FLI1: variants seen among roughly 807,000 people sequenced by gnomAD.
The protein encoded by FLI1 is Fli-1 proto-oncogene, ETS transcription factor, also known as Friend leukemia integration 1 transcription factor.
In FLI1, 13 loss-of-function variants were observed where a neutral mutation model predicts 53.1. That is an observed-to-expected ratio of 0.24 (90% confidence interval 0.16 to 0.39). The LOEUF is 0.39. Ranked by LOEUF, FLI1 falls within the 10% of genes least tolerant of loss-of-function variation. The pLI is 1.00. For synonymous variants in FLI1, 244 were observed against 236.7 expected, an observed-to-expected ratio of 1.03 and a Z score of -0.28; for missense variants, 424 against 600.5, an observed-to-expected ratio of 0.71 and a Z score of 3.07.
intron 4 of FLI1, among the ~76,000 whole-genome samples, chr11:128,775,263 A>G (rs1459173353): frequency 6.6e-6 from 1 of 152,126 alleles, no homozygotes; most frequent in African/African-American, 2.4e-5. Context: ...TTAGGATACA[A>G]TGTTGGGTGG....
intron 1 of FLI1, among the ~76,000 whole-genome samples, chr11:128,757,275 C>T (rs1389657904): frequency 6.6e-6 from 1 of 151,982 alleles, no homozygotes; most frequent in African/African-American, 2.4e-5. Context: ...CCATGATCTC[C>T]CAAAGTCACA....
intron 1 of FLI1, among the ~76,000 whole-genome samples, chr11:128,698,299 A>G (rs959706963): frequency 1.3e-5 from 2 of 152,208 alleles, no homozygotes; most frequent in African/African-American, 4.8e-5. Flanking sequence ...TGGATTCACA[A>G]GAACTCCAGA....
At chr11:128,732,749 A>G (rs1939752862) in intron 1 of FLI1, among the ~76,000 whole-genome samples, 1 of 152,234 alleles carries the variant, frequency 6.6e-6, no homozygotes, top group South Asian at 2.1e-4. Flanking sequence ...AAAGCAAGTT[A>G]TGATTCTAAA....
At chr11:128,751,766 G>T (rs1228939137) in intron 1 of FLI1, among the ~76,000 whole-genome samples, 1 of 150,042 alleles carries the variant, frequency 6.7e-6, no homozygotes, top group Non-Finnish European at 1.5e-5. Flanking sequence ...TTGACCTCGT[G>T]ATCCACCCAC....
chr11:128,718,435 C>T (rs1267044659), intron 1 of FLI1, among the ~76,000 whole-genome samples: 2 of 142,872 alleles, frequency 1.4e-5, no homozygotes, highest in African/African-American at 5.4e-5. Context: ...GTCTCCCCAA[C>T]ATTCAGAGGC....
At chr11:128,753,012 C>T (rs369352219) in intron 1 of FLI1, among the ~76,000 whole-genome samples, 1 of 152,286 alleles carries the variant, frequency 6.6e-6, no homozygotes, top group Admixed American at 6.5e-5. Flanking sequence ...TCAGATGCCA[C>T]CCCAAGCAGC....
chr11:128,701,250 A>G (rs1938319990), intron 1 of FLI1, among the ~76,000 whole-genome samples: 1 of 152,162 alleles, frequency 6.6e-6, no homozygotes, highest in Non-Finnish European at 1.5e-5. Flanking sequence ...AATCTTTTCA[A>G]TTGGGCCTTC....
intron 1 of FLI1, among the ~76,000 whole-genome samples, chr11:128,715,792 G>A (rs932994946): frequency 1.3e-5 from 2 of 152,288 alleles, no homozygotes; most frequent in South Asian, 2.1e-4. Flanking sequence ...GATACCCCAC[G>A]AGTCCTGAGC....
chr11:128,802,446 A>G (rs528467899), intron 5 of FLI1, among the ~76,000 whole-genome samples: 1 of 152,254 alleles, frequency 6.6e-6, no homozygotes, highest in East Asian at 1.9e-4. Context: ...GGTCTTTGCT[A>G]CTCTGACTCC....
chr11:128,785,639 C>T (rs1234011775), intron 5 of FLI1, among the ~76,000 whole-genome samples: 10 of 152,216 alleles, frequency 6.6e-5, no homozygotes. Flanking sequence ...ATCTCCATCC[C>T]TAAACTTTTC....
chr11:128,792,712 T>C (rs1942310299), intron 5 of FLI1, among the ~76,000 whole-genome samples: 1 of 152,210 alleles, frequency 6.6e-6, no homozygotes, highest in Non-Finnish European at 1.5e-5. Flanking sequence ...ATTATACACA[T>C]ATCCTTTTGT....
rs1045202158 is a variant in FLI1, at chr11:128,812,869, G to A, written c.*1881G>A. Reference sequence around the variant, plus strand: ...TTTTAAGGTCATTTTTCTTCCCAAGGAAGAAACTTGCCTCCAGTTCCTTCA... The same window carrying A: ...TTTTAAGGTCATTTTTCTTCCCAAGAAAGAAACTTGCCTCCAGTTCCTTCA... On this transcript the variant is annotated 3_prime_UTR_variant, in exon 9 of 9. Coordinates refer to ENST00000527786, the MANE Select transcript of FLI1 (RefSeq NM_002017.5). 8.7e-6 allele frequency: 1 copy of A among 114,480 alleles called. No individual in the cohort carries two copies. The highest frequency in any genetic ancestry group is 3.0e-5 in the African/African-American group (1 of 33,526). The allele number at this position is 114,480 out of a possible 1,614,324, so 7.1% of individuals were successfully genotyped here.
In FLI1 at chr11:128,694,284, G is replaced by A. The variant is rs573220409; in HGVS notation, c.18+8G>A. The A allele has an allele frequency of 1.5e-6, 2 of 1,376,062 alleles. No individual in the cohort carries two copies. Among genetic ancestry groups the A allele is most frequent in the Admixed American group, 3.0e-5 (1 of 33,770 alleles). The allele number at this position is 1,376,062 out of a possible 1,614,324, so 85.2% of individuals were successfully genotyped here. ...ATGGACGGGACTATTAAGGTAAGCGGCGGGGCAACGGACGCGGGCGGCGGG... is the reference window on the plus strand; with the variant it reads ...ATGGACGGGACTATTAAGGTAAGCGACGGGGCAACGGACGCGGGCGGCGGG... On this transcript the variant is annotated splice_region_variant and intron_variant, in intron 1 of 8. Coordinates refer to ENST00000527786, the MANE Select transcript of FLI1 (RefSeq NM_002017.5).
chr11:128,788,548 A>T (rs1942171298), intron 5 of FLI1, among the ~76,000 whole-genome samples: 1 of 152,180 alleles, frequency 6.6e-6, no homozygotes, highest in Admixed American at 6.5e-5. Context: ...CATGTAATCG[A>T]AAAACAACAA....
intron 1 of FLI1, among the ~76,000 whole-genome samples, chr11:128,751,830 G>GT (rs1160739913): frequency 0.033 from 4,454 of 133,390 alleles, 113 homozygotes; most frequent in Middle Eastern, 0.049. Flanking sequence ...TTTTGGGTTT[G>GT]TTTTTTTTTT....
chr11:128,796,272 G>A (rs987856099), intron 5 of FLI1, among the ~76,000 whole-genome samples: 4 of 152,158 alleles, frequency 2.6e-5, no homozygotes, highest in Non-Finnish European at 4.4e-5. Flanking sequence ...AATCATTCTT[G>A]GTATCATTTT....
At position 128,758,207 on chromosome 11, in the gene FLI1, G is replaced by C; in HGVS notation, c.111G>C (p.Ser37=). 6.2e-7 allele frequency: 1 copy of C among 1,613,156 alleles called. No individual in the cohort carries two copies. The highest frequency in any genetic ancestry group is 1.1e-5 in the South Asian group (1 of 90,924). Residue 37 remains serine (S), a synonymous_variant, in exon 2 of 9, where the codon TCG becomes TCC. Transcript: ENST00000527786. ...TCCCCAAGGCCGACATGACTGCCTCGGGGAGTCCTGACTACGGGCAGCCCC... is the reference window on the plus strand; with the variant it reads ...TCCCCAAGGCCGACATGACTGCCTCCGGGAGTCCTGACTACGGGCAGCCCC... The part of the protein sequence containing the change: ...AHLPKADMTA[S]GSPDYGQPHK...
chr11:128,739,967 GA>G lies in FLI1; in HGVS notation c.19-18147del, dbSNP rs57181213. Among the ~76,000 whole-genome samples, 781 of 152,324 alleles carry G rather than the reference GA, an allele frequency of 5.1e-3. 7 individuals carry two copies. Among genetic ancestry groups the G allele is most frequent in the African/African-American group, 0.018 (734 of 41,578 alleles). ...GTCTGAGCCGCATCAGGCCTGGCCA[GA>G]GCCACTGGCAAGGTCTCTCATCCCC... On this transcript the variant is annotated intron_variant, in intron 1 of 8. Coordinates refer to ENST00000527786, the MANE Select transcript of FLI1 (RefSeq NM_002017.5).
chr11:128,697,029 G>A (rs192916228), intron 1 of FLI1, among the ~76,000 whole-genome samples: 28 of 152,208 alleles, frequency 1.8e-4, no homozygotes, highest in South Asian at 6.2e-4. Flanking sequence ...GGCTCTGACC[G>A]TCACATTGGG....
Sources: allele counts gnomAD v4.1 joint callset (sites outside exome capture counted in the v4.1 genomes callset), GRCh38; gene constraint gnomAD v4.1.1; transcripts MANE v1.5; gene names NCBI Gene and HGNC (gene_info 2026-07-23, HGNC 2026-07-21).